The following PRKCB variants were observed in gnomAD, a reference collection of about 807,000 sequenced individuals.
PRKCB encodes the protein protein kinase C beta type.
PRKCB carries 13 observed loss-of-function variants against 81.5 expected under a neutral mutation model. That is an observed-to-expected ratio of 0.16 (90% CI 0.10 to 0.25). The LOEUF (loss-of-function observed/expected upper bound fraction) is 0.25. PRKCB is among the 10% of genes least tolerant of loss of function. The pLI is 1.00. For missense variants in PRKCB, 509 were observed against 875.7 expected, an observed-to-expected ratio of 0.58 and a Z score of 5.29; for synonymous variants, 335 against 321.4, an observed-to-expected ratio of 1.04 and a Z score of -0.45.
rs185286003 is a variant in PRKCB at position 23,970,537 on chromosome 16, T to A, written c.206-17971T>A. ...GAAGGCACCAAACCCTCACTTTTTTTACTTTCATTCAGCCTTCCCATTTTT... is the reference window on the plus strand; with the variant it reads ...GAAGGCACCAAACCCTCACTTTTTTAACTTTCATTCAGCCTTCCCATTTTT... On this transcript the variant is annotated intron_variant, in intron 2 of 16. Transcript: ENST00000643927. 1.8e-3 allele frequency among the ~76,000 whole-genome samples: 281 copies of A among 152,372 alleles called. 1 individual carries two copies. Among genetic ancestry groups the A allele is most frequent in the African/African-American group, 6.2e-3 (256 of 41,582 alleles).
intron 7 of PRKCB, among the ~76,000 whole-genome samples, chr16:24,103,153 G>A (rs1966530223): frequency 6.6e-6 from 1 of 152,230 alleles, no homozygotes; most frequent in Non-Finnish European, 1.5e-5. Flanking sequence ...GATTACAGGT[G>A]TGAACCACCG....
intron 9 of PRKCB, among the ~76,000 whole-genome samples, chr16:24,131,463 T>C (rs1443902772): frequency 1.3e-5 from 2 of 152,266 alleles, no homozygotes; most frequent in African/African-American, 4.8e-5. Flanking sequence ...TCCAAGATGC[T>C]GGCATCAACT....
intron 5 of PRKCB, among the ~76,000 whole-genome samples, chr16:24,048,114 G>A (rs576203585): frequency 2.0e-5 from 3 of 152,350 alleles, no homozygotes; most frequent in African/African-American, 7.2e-5. Flanking sequence ...GGTTCCATCT[G>A]CTTTACCACT....
intron 12 of PRKCB, among the ~76,000 whole-genome samples, chr16:24,177,215 T>G (rs1967549003): frequency 6.6e-6 from 1 of 152,228 alleles, no homozygotes; most frequent in South Asian, 2.1e-4. Context: ...AGGGCTAGTT[T>G]CTAATCAATC....
At chr16:23,986,516 T>C (rs979842982) in intron 2 of PRKCB, among the ~76,000 whole-genome samples, 3 of 152,214 alleles carry the variant, frequency 2.0e-5, no homozygotes, top group Admixed American at 6.5e-5. Context: ...TGTCCCAAAG[T>C]GCTGGGATTA....
At chr16:23,873,204 A>AAGAT (rs1555480625) in intron 2 of PRKCB, among the ~76,000 whole-genome samples, 7,047 of 138,744 alleles carry the variant, frequency 0.051, 484 homozygotes, top group South Asian at 0.2. Context: ...AAAAAAAAAA[A>AAGAT]AAAAAGAAAA....
chr16:24,060,933 C>G (rs1372926397), intron 5 of PRKCB, among the ~76,000 whole-genome samples: 1 of 152,218 alleles, frequency 6.6e-6, no homozygotes, highest in Non-Finnish European at 1.5e-5. Flanking sequence ...GGGAACCCGA[C>G]TTAAGATGCC....
chr16:23,952,306 G>C (rs540696540), intron 2 of PRKCB, among the ~76,000 whole-genome samples: 2 of 152,308 alleles, frequency 1.3e-5, no homozygotes, highest in Admixed American at 1.3e-4. Flanking sequence ...GCACAGTGAA[G>C]CTCTGCTGAT....
chr16:24,010,905 G>A (rs1264732709), intron 3 of PRKCB, among the ~76,000 whole-genome samples: 2 of 151,896 alleles, frequency 1.3e-5, no homozygotes, highest in African/African-American at 4.8e-5. Context: ...GTCTCACTGT[G>A]TTGCCTACGA....
intron 10 of PRKCB, among the ~76,000 whole-genome samples, chr16:24,156,108 T>G (rs1341983133): frequency 6.6e-6 from 1 of 152,228 alleles, no homozygotes; most frequent in Non-Finnish European, 1.5e-5. Flanking sequence ...ATTTTTCATT[T>G]ACTAGTGAGA....
chr16:24,042,690 C>CTT (rs1261563276), intron 5 of PRKCB, among the ~76,000 whole-genome samples: 1,598 of 140,082 alleles, frequency 0.011, 30 homozygotes, highest in African/African-American at 0.039. Context: ...TGTAGGGTTT[C>CTT]TTTTTTTTTT....
At chr16:24,029,559 C>T (rs111685695) in intron 3 of PRKCB, among the ~76,000 whole-genome samples, 12,898 of 151,448 alleles carry the variant, frequency 0.085, 842 homozygotes, top group African/African-American at 0.18. Flanking sequence ...GTAAATTACC[C>T]AATCTCAGGC....
At chr16:23,984,896 A>C (rs1964782706) in intron 2 of PRKCB, among the ~76,000 whole-genome samples, 1 of 152,208 alleles carries the variant, frequency 6.6e-6, no homozygotes, top group Admixed American at 6.5e-5. Flanking sequence ...GTTGAATAAA[A>C]GGGAAAGTTA....
rs55986931 is a variant in PRKCB, at chr16:23,950,132, A to AGTTTTTT, written c.206-38376_206-38375insGTTTTTT. 2.0e-3 allele frequency among the ~76,000 whole-genome samples: 191 copies of AGTTTTTT among 97,774 alleles called. 43 individuals carry two copies. The highest frequency in any genetic ancestry group is 1.9e-3 in the Non-Finnish European group (96 of 51,194). The allele number at this position is 97,774 out of a possible 152,430, so 64.1% of individuals were successfully genotyped here. On this transcript the variant is annotated intron_variant, in intron 2 of 16. Coordinates refer to ENST00000643927, the MANE Select transcript of PRKCB (RefSeq NM_002738.7). ...AGCAGCATTGGCCCCTATGATTTGA[A>AGTTTTTT]TTTTTTTTTTTTTTTTTTTTTTTTT...
intron 16 of PRKCB, among the ~76,000 whole-genome samples, chr16:24,192,717 A>G (rs922738600): frequency 1.3e-5 from 2 of 152,186 alleles, no homozygotes; most frequent in African/African-American, 4.8e-5. Context: ...ATCAGTATGC[A>G]GTGTCAGAGC....
At chr16:24,039,737 C>T (rs1965675581) in intron 5 of PRKCB, among the ~76,000 whole-genome samples, 1 of 152,144 alleles carries the variant, frequency 6.6e-6, no homozygotes, top group Non-Finnish European at 1.5e-5. Context: ...ATACACAGCA[C>T]CCAGGGGATG....
chr16:24,198,903 T>G (rs1967916652), intron 16 of PRKCB, among the ~76,000 whole-genome samples: 1 of 152,198 alleles, frequency 6.6e-6, no homozygotes, highest in Non-Finnish European at 1.5e-5. Flanking sequence ...CAGTCCTGTC[T>G]AGACATCACT....
Position 24,218,567 on chromosome 16 carries a change from A to G in PRKCB, c.*3751A>G. On this transcript the variant is annotated 3_prime_UTR_variant, in exon 17 of 17. Transcript: ENST00000643927. Reference sequence around the variant, plus strand: ...AGAGTAAGGAGGGAACTCCATAGAGACATTTTACCTATCTCAGGGGAGCAG... The same window carrying G: ...AGAGTAAGGAGGGAACTCCATAGAGGCATTTTACCTATCTCAGGGGAGCAG... 2 of 985,418 alleles carry G rather than the reference A, an allele frequency of 2.0e-6. No homozygotes were observed. The highest frequency in any genetic ancestry group is 2.4e-6 in the Non-Finnish European group (2 of 829,954). 61.0% of individuals were successfully genotyped at this position (985,418 alleles called of 1,614,324 possible). A position where few individuals can be genotyped will look rare whatever the true frequency, so the allele number is the denominator to read the frequency against.
intron 2 of PRKCB, among the ~76,000 whole-genome samples, chr16:23,903,414 A>G (rs1963514000): frequency 6.6e-6 from 1 of 152,150 alleles, no homozygotes; most frequent in Admixed American, 6.5e-5. Context: ...CCCCCCTAAC[A>G]GCAGCAAAGA....
Sources: allele counts gnomAD v4.1 joint callset (sites outside exome capture counted in the v4.1 genomes callset), GRCh38; gene constraint gnomAD v4.1.1; transcripts MANE v1.5; gene names NCBI Gene and HGNC (gene_info 2026-07-23, HGNC 2026-07-21).